The following CNTN5 variants were observed in gnomAD, a reference collection of about 807,000 sequenced individuals.
CNTN5 encodes the protein contactin-5.
In CNTN5, 77 loss-of-function variants were observed where a neutral mutation model predicts 129.1. The ratio of observed to expected loss-of-function variants is 0.60; its 90% CI spans 0.50 to 0.72. The LOEUF is 0.72. Among genes scored for constraint, CNTN5 ranks in the 30% least tolerant of loss-of-function variants. The pLI, the probability that CNTN5 is intolerant of heterozygous loss-of-function variation, is 0.00. For synonymous variants in CNTN5, 509 were observed against 465.6 expected, an observed-to-expected ratio of 1.09 and a Z score of -1.20; for missense variants, 1,478 against 1,328.8, an observed-to-expected ratio of 1.11 and a Z score of -1.75.
At chr11:100,305,469 G>A (rs1050288362) in intron 20 of CNTN5, among the ~76,000 whole-genome samples, 1 of 151,618 alleles carries the variant, frequency 6.6e-6, no homozygotes, top group Non-Finnish European at 1.5e-5. Context: ...AAAGAAGCCA[G>A]AAATTCTTAT....
intron 1 of CNTN5, among the ~76,000 whole-genome samples, chr11:99,256,219 G>A (rs1464602367): frequency 6.6e-6 from 1 of 152,028 alleles, no homozygotes; most frequent in Admixed American, 6.6e-5. Flanking sequence ...CTATAGCTTT[G>A]ATTTGTTTAT....
intron 3 of CNTN5, among the ~76,000 whole-genome samples, chr11:99,769,105 A>T (rs1944856939): frequency 6.6e-6 from 1 of 152,144 alleles, no homozygotes; most frequent in African/African-American, 2.4e-5. Flanking sequence ...ATGTGAAATT[A>T]TACATTACTT....
At chr11:99,383,010 C>A (rs1356690985) in intron 2 of CNTN5, among the ~76,000 whole-genome samples, 1 of 151,330 alleles carries the variant, frequency 6.6e-6, no homozygotes, top group South Asian at 2.1e-4. Flanking sequence ...CCGTCCACCA[C>A]GACGGCCAGC....
At chr11:100,050,391 C>A (rs868535225) in intron 9 of CNTN5, among the ~76,000 whole-genome samples, 1 of 151,752 alleles carries the variant, frequency 6.6e-6, no homozygotes, top group Non-Finnish European at 1.5e-5. Flanking sequence ...AACCAAACAC[C>A]GCATATTCTC....
intron 2 of CNTN5, among the ~76,000 whole-genome samples, chr11:99,375,302 CAAAA>C (rs397848951): frequency 2.6e-4 from 14 of 53,564 alleles, no homozygotes; most frequent in Non-Finnish European, 3.6e-4. Flanking sequence ...GAGTCTGTCT[CAAAA>C]AAAAAAAAAA....
chr11:100,104,089 C>T lies in CNTN5; in HGVS notation c.1580+29795C>T, dbSNP rs551375692. Among the ~76,000 whole-genome samples, 33 of 146,296 alleles carry T rather than the reference C, an allele frequency of 2.3e-4. No individual in the cohort carries two copies. In the South Asian group the frequency reaches 6.1e-3, roughly 27 times the overall value. On this transcript the variant is annotated intron_variant, in intron 13 of 24. Coordinates refer to ENST00000524871, the MANE Select transcript of CNTN5 (RefSeq NM_014361.4). ...AAGCTCTGAAATACAAGGTAGAAAA[C>T]GTCACTTTTTTTTTTTTTTTTTTGA...
intron 3 of CNTN5, among the ~76,000 whole-genome samples, chr11:99,646,760 T>G (rs952952863): frequency 2.1e-5 from 3 of 145,710 alleles, no homozygotes; most frequent in African/African-American, 7.7e-5. Context: ...GATAAAAGAC[T>G]GAACAAAAAT....
intron 1 of CNTN5, among the ~76,000 whole-genome samples, chr11:99,028,325 G>A (rs911115856): frequency 4.6e-5 from 7 of 151,810 alleles, no homozygotes; most frequent in South Asian, 4.1e-4. Flanking sequence ...GTGGACAGTG[G>A]CAGTACAAAG....
intron 1 of CNTN5, among the ~76,000 whole-genome samples, chr11:99,152,685 A>T (rs1160681740): frequency 6.6e-6 from 1 of 152,178 alleles, no homozygotes; most frequent in Non-Finnish European, 1.5e-5. Context: ...TCCTGTCATC[A>T]TATTGTTTAG....
At chr11:100,154,347 TC>T (rs1947164161) in intron 13 of CNTN5, among the ~76,000 whole-genome samples, 3 of 24,132 alleles carry the variant, frequency 1.2e-4, no homozygotes, top group Admixed American at 3.9e-4. Flanking sequence ...ATCCAGTCTA[TC>T]AATCATTGAT....
intron 1 of CNTN5, among the ~76,000 whole-genome samples, chr11:99,043,555 T>G (rs1018015480): frequency 1.3e-5 from 2 of 152,154 alleles, no homozygotes; most frequent in Non-Finnish European, 2.9e-5. Context: ...TTAATGAAAA[T>G]AGACTACAGG....
At chr11:99,712,781 A>G (rs1955047879) in intron 3 of CNTN5, among the ~76,000 whole-genome samples, 1 of 151,860 alleles carries the variant, frequency 6.6e-6, no homozygotes, top group Non-Finnish European at 1.5e-5. Flanking sequence ...TAAAGATCAG[A>G]TGGTTCTTGA....
At chr11:99,988,851 TTGTG>T (rs59171240) in intron 8 of CNTN5, among the ~76,000 whole-genome samples, 86,183 of 150,002 alleles carry the variant, frequency 0.57, 26,549 homozygotes, top group East Asian at 0.85. Flanking sequence ...GTGTGTGTGT[TTGTG>T]TGTGTGTGTG....
At chr11:99,070,261 G>C (rs1403184085) in intron 1 of CNTN5, among the ~76,000 whole-genome samples, 3 of 152,118 alleles carry the variant, frequency 2.0e-5, no homozygotes, top group African/African-American at 7.2e-5. Flanking sequence ...TTTTTGCACA[G>C]GTCTCACCCT....
chr11:99,805,371 A>C (rs1946237189), intron 3 of CNTN5, among the ~76,000 whole-genome samples: 1 of 152,192 alleles, frequency 6.6e-6, no homozygotes, highest in Non-Finnish European at 1.5e-5. Flanking sequence ...AGGTCAGAGG[A>C]GAGATCTGAG....
chr11:99,684,812 G>T (rs1031653795), intron 3 of CNTN5, among the ~76,000 whole-genome samples: 6 of 151,210 alleles, frequency 4.0e-5, no homozygotes, highest in African/African-American at 1.2e-4. Context: ...ATTCTATTTT[G>T]GTTCTTGATA....
chr11:100,004,019 T>A (rs1472321566), intron 9 of CNTN5: 1 of 152,184 alleles, frequency 6.6e-6, no homozygotes, highest in Non-Finnish European at 1.5e-5. Flanking sequence ...TACAGCACAT[T>A]GTCTTGTGGT....
chr11:99,724,185 A>G (rs762936443), intron 3 of CNTN5, among the ~76,000 whole-genome samples: 3 of 152,154 alleles, frequency 2.0e-5, no homozygotes, highest in African/African-American at 4.8e-5. Context: ...TCTTATGCCT[A>G]TTGAAATCCT....
intron 23 of CNTN5, among the ~76,000 whole-genome samples, chr11:100,349,559 A>T (rs572311508): frequency 5.3e-4 from 81 of 152,026 alleles, no homozygotes; most frequent in African/African-American, 1.8e-3. Flanking sequence ...AAAATTTAGT[A>T]ACTTGCCCAA....
Sources: gnomAD v4.1 joint callset for allele counts (sites outside exome capture counted in the v4.1 genomes callset) on GRCh38, gnomAD v4.1.1 for gene constraint, MANE v1.5 for transcripts, NCBI Gene and HGNC (gene_info 2026-07-23, HGNC 2026-07-21) for gene names.